GRM1: variants seen among roughly 807,000 people sequenced by gnomAD.
GRM1 encodes the protein glutamate metabotropic receptor 1, also known as metabotropic glutamate receptor 1.
A neutral mutation model predicts 90.9 loss-of-function variants in GRM1; 33 were observed. That is an observed-to-expected ratio of 0.36 (90% confidence interval 0.28 to 0.49). GRM1 has a LOEUF of 0.49. Ranked by LOEUF, GRM1 falls within the 20% of genes least tolerant of loss-of-function variation. The pLI is 0.99. For synonymous variants in GRM1, 700 were observed against 613.2 expected (o/e 1.14, Z -2.09); for missense variants, 1,190 against 1,534.3 (o/e 0.78, Z 3.75).
intron 1 of GRM1, among the ~76,000 whole-genome samples, chr6:146,093,881 G>A (rs562501551): frequency 1.3e-5 from 2 of 151,954 alleles, no homozygotes; most frequent in Admixed American, 6.6e-5. Flanking sequence ...TCTCCTACTC[G>A]AATAACAGGG....
intron 3 of GRM1, among the ~76,000 whole-genome samples, chr6:146,319,308 G>T (rs1170958161): frequency 6.6e-6 from 1 of 152,112 alleles, no homozygotes; most frequent in Non-Finnish European, 1.5e-5. Context: ...TGAGGCCTAT[G>T]TTCTGTTCCA....
At chr6:146,129,215 G>A (rs1226595563) in intron 1 of GRM1, among the ~76,000 whole-genome samples, 1 of 152,070 alleles carries the variant, frequency 6.6e-6, no homozygotes, top group Non-Finnish European at 1.5e-5. Flanking sequence ...CAATATATGT[G>A]TAGTACAGGA....
intron 1 of GRM1, among the ~76,000 whole-genome samples, chr6:146,052,154 C>T (rs982008155): frequency 3.3e-5 from 5 of 151,836 alleles, no homozygotes; most frequent in Non-Finnish European, 7.4e-5. Flanking sequence ...GTGAGGAAAA[C>T]ATGTTCTTTA....
At position 146,162,534 on chromosome 6, in the gene GRM1, T is replaced by G. The variant is rs377041824; in HGVS notation, c.950+2937T>G. On this transcript the variant is annotated intron_variant, in intron 2 of 7. Transcript: ENST00000282753. ...ATTGTGATAACCTCAGAATCGGACC[T>G]CTTGGCCATCTAGTCTTAACATAGA... 1.1e-4 allele frequency among the ~76,000 whole-genome samples: 16 copies of G among 152,288 alleles called. No homozygotes were observed. In the South Asian group the frequency reaches 3.3e-3, roughly 32 times the overall value.
chr6:146,328,553 G>A (rs1784476690), intron 3 of GRM1, among the ~76,000 whole-genome samples: 1 of 152,114 alleles, frequency 6.6e-6, no homozygotes, highest in Non-Finnish European at 1.5e-5. Context: ...ACATTAAATA[G>A]TAATATTATC....
intron 5 of GRM1, among the ~76,000 whole-genome samples, chr6:146,370,381 C>T (rs1209027858): frequency 6.6e-6 from 1 of 151,960 alleles, no homozygotes; most frequent in East Asian, 1.9e-4. Flanking sequence ...TATTTCTAAC[C>T]TTGACATAGT....
intron 3 of GRM1, among the ~76,000 whole-genome samples, chr6:146,345,175 T>G (rs924454309): frequency 1.3e-5 from 2 of 152,218 alleles, no homozygotes; most frequent in African/African-American, 4.8e-5. Context: ...TGGCCTATAT[T>G]TAAATCACAA....
chr6:146,434,285 C>T lies in GRM1; in HGVS notation c.3074C>T (p.Pro1025Leu). 6.2e-7 allele frequency: 1 copy of T among 1,602,976 alleles called. No homozygotes were observed. The highest frequency in any genetic ancestry group is 8.5e-7 in the Non-Finnish European group (1 of 1,172,670). ...CTCCAGCAGCAGCAGCAACCCCCTC[C>T]ACAGCAGAAATCGCTGATGGACCAG... ...PPLQQQQQPP[P>L]QQKSLMDQLQ... The change falls in exon 8 of 8, where the codon CCA (proline) becomes CTA (leucine). Residue 1025 changes from proline to leucine, a missense_variant. Physicochemically the swap from Pro to Leu is moderately conservative, Grantham distance 98. This residue lies in a region of GRM1 where 400 missense variants were observed against 360.8 expected (regional missense o/e 1.11). Coordinates refer to ENST00000282753, the MANE Select transcript of GRM1 (RefSeq NM_001278064.2).
intron 2 of GRM1, among the ~76,000 whole-genome samples, chr6:146,217,869 T>A (rs574904184): frequency 2.6e-5 from 4 of 152,168 alleles, no homozygotes; most frequent in Admixed American, 6.6e-5. Context: ...GAGGCTTATC[T>A]TGAAGGAAGA....
intron 1 of GRM1, among the ~76,000 whole-genome samples, chr6:146,072,337 T>C: frequency 6.6e-6 from 1 of 152,110 alleles, no homozygotes; most frequent in Admixed American, 6.6e-5. Context: ...CAAGATAATA[T>C]CTGTACAGTG....
chr6:146,123,743 C>T (rs766233757), intron 1 of GRM1, among the ~76,000 whole-genome samples: 8 of 152,242 alleles, frequency 5.3e-5, no homozygotes, highest in South Asian at 2.1e-4. Flanking sequence ...CAGCTCTATT[C>T]GATTTTTACC....
Position 146,253,970 on chromosome 6 carries a change from CT to C in GRM1, c.951-50630del, listed in dbSNP as rs200846979. On this transcript the variant is annotated intron_variant, in intron 2 of 7. Coordinates refer to ENST00000282753, the MANE Select transcript of GRM1 (RefSeq NM_001278064.2). ...TTTCTCTTCATAAGACAATATTTTACTTTTTTTTTTTGAAAACCCTACATCC... is the reference window on the plus strand; with the variant it reads ...TTTCTCTTCATAAGACAATATTTTACTTTTTTTTTTGAAAACCCTACATCC... Among the ~76,000 whole-genome samples, 171 of 146,710 alleles carry C rather than the reference CT, an allele frequency of 1.2e-3. 2 individuals carry two copies. The highest frequency in any genetic ancestry group is 3.4e-3 in the African/African-American group (137 of 40,136).
At chr6:146,175,406 C>T (rs1334995821) in intron 2 of GRM1, among the ~76,000 whole-genome samples, 1 of 152,160 alleles carries the variant, frequency 6.6e-6, no homozygotes, top group Non-Finnish European at 1.5e-5. Flanking sequence ...ATTCTTGTTA[C>T]AACCTCTACT....
intron 2 of GRM1, among the ~76,000 whole-genome samples, chr6:146,290,689 C>T (rs547191014): frequency 1.3e-5 from 2 of 152,188 alleles, no homozygotes; most frequent in East Asian, 3.9e-4. Flanking sequence ...GCCTGTCCGA[C>T]TATTGTATTT....
At chr6:146,099,099 G>T (rs1033013744) in intron 1 of GRM1, among the ~76,000 whole-genome samples, 6 of 152,108 alleles carry the variant, frequency 3.9e-5, no homozygotes, top group African/African-American at 1.4e-4. Flanking sequence ...GCAAATATCT[G>T]TGTCGGTTGG....
chr6:146,296,750 A>T (rs954729747), intron 2 of GRM1, among the ~76,000 whole-genome samples: 1 of 152,096 alleles, frequency 6.6e-6, no homozygotes, highest in African/African-American at 2.4e-5. Context: ...TTCAGACATC[A>T]CTCTTGTGCA....
intron 1 of GRM1, among the ~76,000 whole-genome samples, chr6:146,140,538 G>A (rs1776835579): frequency 1.3e-5 from 2 of 152,182 alleles, no homozygotes; most frequent in Non-Finnish European, 1.5e-5. Flanking sequence ...CAAAATTCTG[G>A]GATTATAGGC....
intron 1 of GRM1, among the ~76,000 whole-genome samples, chr6:146,068,194 A>G (rs1202994259): frequency 2.0e-5 from 3 of 151,730 alleles, no homozygotes; most frequent in South Asian, 2.1e-4. Context: ...TCACTCTGCA[A>G]GCTCCACCTC....
intron 1 of GRM1, among the ~76,000 whole-genome samples, chr6:146,156,178 G>A (rs1562497727): frequency 1.3e-5 from 2 of 152,140 alleles, no homozygotes; most frequent in African/African-American, 4.8e-5. Context: ...GGCTGAGGCA[G>A]GTTGATCATC....
Sources: gnomAD v4.1 joint callset for allele counts (sites outside exome capture counted in the v4.1 genomes callset) on GRCh38, gnomAD v4.1.1 for gene constraint, gnomAD v4.1.1 regional missense constraint, MANE v1.5 for transcripts, NCBI Gene and HGNC (gene_info 2026-07-23, HGNC 2026-07-21) for gene names.